AMBRA1: variants seen among roughly 807,000 people sequenced by gnomAD.
AMBRA1 encodes the protein autophagy and beclin 1 regulator 1.
Under a neutral mutation model 125.4 loss-of-function variants are expected in AMBRA1, and 47 were observed. The ratio of observed to expected loss-of-function variants is 0.37; its 90% CI spans 0.30 to 0.48. The LOEUF is 0.48. Ranked by LOEUF, AMBRA1 falls within the 20% of genes least tolerant of loss-of-function variation. AMBRA1 has a pLI of 0.99. For synonymous variants in AMBRA1, 626 were observed against 655.5 expected (o/e 0.95, Z 0.69); for missense variants, 1,331 against 1,693.4 (o/e 0.79, Z 3.76).
intron 8 of AMBRA1, among the ~76,000 whole-genome samples, chr11:46,511,112 G>A (rs1293046118): frequency 1.3e-5 from 2 of 152,310 alleles, no homozygotes; most frequent in East Asian, 3.9e-4. Context: ...AATCATGGTC[G>A]TTAAGTATCC....
intron 14 of AMBRA1, among the ~76,000 whole-genome samples, chr11:46,427,048 A>G (rs1311336628): frequency 6.6e-6 from 1 of 152,208 alleles, no homozygotes; most frequent in African/African-American, 2.4e-5. Flanking sequence ...AAATTTGCAG[A>G]ATATAGGGAA....
At chr11:46,588,388 T>C (rs1422586292) in intron 1 of AMBRA1, among the ~76,000 whole-genome samples, 3 of 152,138 alleles carry the variant, frequency 2.0e-5, no homozygotes, top group African/African-American at 4.8e-5. Context: ...CATCTGTTCA[T>C]TGTTGTTGTA....
intron 9 of AMBRA1, among the ~76,000 whole-genome samples, chr11:46,501,286 C>T (rs931312823): frequency 3.9e-5 from 6 of 152,228 alleles, no homozygotes; most frequent in African/African-American, 7.2e-5. Flanking sequence ...AGTTTCCTCT[C>T]ACATCCCAAA....
chr11:46,467,971 T>G (rs1271475173), intron 11 of AMBRA1, among the ~76,000 whole-genome samples: 1 of 152,176 alleles, frequency 6.6e-6, no homozygotes, highest in Non-Finnish European at 1.5e-5. Context: ...GGCAGGAAAC[T>G]GCTACGAAAG....
intron 9 of AMBRA1, among the ~76,000 whole-genome samples, chr11:46,506,676 A>G (rs1190745934): frequency 6.6e-6 from 1 of 152,232 alleles, no homozygotes; most frequent in African/African-American, 2.4e-5. Context: ...AGAAGGAGGA[A>G]GAAATAATGC....
intron 11 of AMBRA1, among the ~76,000 whole-genome samples, chr11:46,489,231 C>T (rs1480001726): frequency 1.3e-5 from 2 of 152,118 alleles, no homozygotes; most frequent in African/African-American, 4.8e-5. Flanking sequence ...CCCCACCCCA[C>T]AACAGGCCCC....
At chr11:46,402,968 A>G (rs540851175) in intron 17 of AMBRA1, among the ~76,000 whole-genome samples, 7 of 152,338 alleles carry the variant, frequency 4.6e-5, no homozygotes, top group African/African-American at 1.4e-4. Flanking sequence ...AAAAAATACC[A>G]GGGCTAGAGG....
chr11:46,433,537 T>C lies in AMBRA1; in HGVS notation c.2913A>G (p.Thr971=), dbSNP rs1465491978. 4.3e-6 allele frequency: 7 copies of C among 1,614,080 alleles called. No individual in the cohort carries two copies. The highest frequency in any genetic ancestry group is 5.9e-6 in the Non-Finnish European group (7 of 1,180,018). The change falls in exon 14 of 18, where the codon ACA becomes ACG. Residue 971 remains threonine, a synonymous_variant. Transcript: ENST00000683756. ...ASRRILLHPS[T]EHMVAQVFRL... ...TGAAGACCTGGGCCACCATGTGCTCTGTGGAGGGGTGCAGCAGGATCCTTC... is the reference window on the plus strand; with the variant it reads ...TGAAGACCTGGGCCACCATGTGCTCCGTGGAGGGGTGCAGCAGGATCCTTC...
At chr11:46,556,799 T>C (rs2043168481) in intron 1 of AMBRA1, among the ~76,000 whole-genome samples, 1 of 152,166 alleles carries the variant, frequency 6.6e-6, no homozygotes, top group Admixed American at 6.5e-5. Context: ...AAAATGCTTA[T>C]AGTAGAATAA....
chr11:46,479,692 G>A (rs573468988), intron 11 of AMBRA1, among the ~76,000 whole-genome samples: 15 of 152,186 alleles, frequency 9.9e-5, no homozygotes, highest in African/African-American at 2.9e-4. Flanking sequence ...GCGAGATTCC[G>A]TCACACACAC....
chr11:46,523,902 C>T (rs957247399), intron 7 of AMBRA1, among the ~76,000 whole-genome samples: 3 of 152,168 alleles, frequency 2.0e-5, no homozygotes, highest in Non-Finnish European at 4.4e-5. Context: ...GAGTTTCGCT[C>T]TTGTTGCCCA....
chr11:46,580,833 C>G (rs1420649478), intron 1 of AMBRA1, among the ~76,000 whole-genome samples: 1 of 152,136 alleles, frequency 6.6e-6, no homozygotes, highest in Non-Finnish European at 1.5e-5. Flanking sequence ...GCTCTGTCAC[C>G]CGGCCTGGAG....
intron 14 of AMBRA1, among the ~76,000 whole-genome samples, chr11:46,427,492 C>A (rs17196997): frequency 0.017 from 2,514 of 152,344 alleles, 46 homozygotes; most frequent in Admixed American, 0.057. Context: ...AATCGCCCTA[C>A]AGCCCATGGT....
At chr11:46,585,711 T>A (rs1238417971) in intron 1 of AMBRA1, among the ~76,000 whole-genome samples, 33 of 91,974 alleles carry the variant, frequency 3.6e-4, no homozygotes, top group African/African-American at 9.8e-4. Flanking sequence ...TATATATATA[T>A]ATATATATAT....
chr11:46,511,862 CT>C (rs1189137391), intron 8 of AMBRA1, among the ~76,000 whole-genome samples: 2 of 149,040 alleles, frequency 1.3e-5, no homozygotes, highest in Admixed American at 6.7e-5. Flanking sequence ...CAAATGTCTT[CT>C]TTTTTTTTTG....
chr11:46,550,887 C>T (rs1212552049), intron 1 of AMBRA1, among the ~76,000 whole-genome samples: 1 of 150,036 alleles, frequency 6.7e-6, no homozygotes, highest in Admixed American at 6.7e-5. Flanking sequence ...GAGATCGAGA[C>T]CATCCTGGCT....
Position 46,547,814 on chromosome 11 carries a change from T to C in AMBRA1, c.194+3A>G. On this transcript the variant is annotated splice_donor_region_variant and intron_variant, in intron 3 of 17. Coordinates refer to ENST00000683756, the MANE Select transcript of AMBRA1 (RefSeq NM_001387011.1). ...TCTTAAGTTATAGATAAATACTGAG[T>C]ACCTGTCTGGGCTGAAGGCCAATAA... The C allele has an allele frequency of 6.2e-7, 1 of 1,610,196 alleles. No individual in the cohort carries two copies. The highest frequency in any genetic ancestry group is 8.5e-7 in the Non-Finnish European group (1 of 1,178,256).
At chr11:46,512,604 A>G in intron 8 of AMBRA1, 123 bp downstream of exon 8, 2 of 690,058 alleles carry the variant, frequency 2.9e-6, no homozygotes. Flanking sequence ...CTGTCTCAAA[A>G]CTGTAACTGA....
chr11:46,415,894 A>T (rs1946521335), intron 15 of AMBRA1, among the ~76,000 whole-genome samples: 1 of 152,248 alleles, frequency 6.6e-6, no homozygotes, highest in African/African-American at 2.4e-5. Context: ...AGAAAACAGA[A>T]GCCAAAGTCA....
Sources: allele counts gnomAD v4.1 joint callset (sites outside exome capture counted in the v4.1 genomes callset), GRCh38; gene constraint gnomAD v4.1.1; transcripts MANE v1.5; gene names NCBI Gene and HGNC (gene_info 2026-07-23, HGNC 2026-07-21).